Variants in LSM14A observed in about 807,000 individuals in gnomAD.
The protein encoded by LSM14A is LSM14A mRNA processing body assembly factor.
In LSM14A, 14 loss-of-function variants were observed where a neutral mutation model predicts 52.4. The observed-to-expected ratio is 0.27, with a 90% CI of 0.18 to 0.42. The LOEUF (loss-of-function observed/expected upper bound fraction) is 0.42. LSM14A is among the 10% of genes least tolerant of loss of function. The pLI is 1.00. For missense variants in LSM14A, 417 were observed against 581.8 expected, an observed-to-expected ratio of 0.72 and a Z score of 2.91; for synonymous variants, 185 against 200.3, an observed-to-expected ratio of 0.92 and a Z score of 0.64.
chr19:34,211,901 G>A (rs1239878173), intron 4 of LSM14A, among the ~76,000 whole-genome samples: 2 of 152,110 alleles, frequency 1.3e-5, no homozygotes, highest in East Asian at 3.8e-4. Flanking sequence ...TAGTAAAACA[G>A]TTTATCTTTA....
chr19:34,189,170 A>T (rs913295231), intron 1 of LSM14A, among the ~76,000 whole-genome samples: 2 of 152,238 alleles, frequency 1.3e-5, no homozygotes, highest in African/African-American at 4.8e-5. Flanking sequence ...TCCCCAAAAT[A>T]TCCCAGAATC....
At chr19:34,186,692 T>C (rs1390056068) in intron 1 of LSM14A, among the ~76,000 whole-genome samples, 1 of 152,172 alleles carries the variant, frequency 6.6e-6, no homozygotes, top group African/African-American at 2.4e-5. Flanking sequence ...ATAATGAGCT[T>C]TGTTAGAATT....
intron 1 of LSM14A, among the ~76,000 whole-genome samples, chr19:34,181,017 C>T (rs1260804347): frequency 2.6e-5 from 4 of 152,160 alleles, no homozygotes; most frequent in Non-Finnish European, 5.9e-5. Context: ...GAACAGCAAA[C>T]GAAAGATAAT....
At chr19:34,221,894 A>C in intron 9 of LSM14A, 156 bp downstream of exon 9, 4 of 1,380,070 alleles carry the variant, frequency 2.9e-6, no homozygotes, top group Non-Finnish European at 3.8e-6. Flanking sequence ...ATTCAGATGT[A>C]TATATAAAGA....
chr19:34,187,424 G>A lies in LSM14A; in HGVS notation c.122-7054G>A, dbSNP rs188892213. The stretch of plus-strand genomic sequence containing the variant: ...CTCCCAAGTAGCTGGGATTACAGGC[G>A]TGTGCCACCACAACCGGCTAATTTT... On this transcript the variant is annotated intron_variant, in intron 1 of 9. Transcript: ENST00000544216. Among the ~76,000 whole-genome samples, 129 of 152,058 alleles carry A rather than the reference G, an allele frequency of 8.5e-4. 3 individuals carry two copies. The highest frequency in any genetic ancestry group is 2.7e-3 in the East Asian group (14 of 5,126).
At chr19:34,178,605 C>G (rs2069247479) in intron 1 of LSM14A, among the ~76,000 whole-genome samples, 1 of 152,232 alleles carries the variant, frequency 6.6e-6, no homozygotes, top group Non-Finnish European at 1.5e-5. Context: ...CCTTCCCCTT[C>G]ACCTCCAGAC....
At chr19:34,213,343 T>C (rs2072312943) in intron 4 of LSM14A, among the ~76,000 whole-genome samples, 1 of 152,210 alleles carries the variant, frequency 6.6e-6, no homozygotes, top group Non-Finnish European at 1.5e-5. Flanking sequence ...TTTTGATAAA[T>C]GATCATTTAT....
At chr19:34,214,394 T>A (rs1009821237) in intron 4 of LSM14A, among the ~76,000 whole-genome samples, 2 of 151,776 alleles carry the variant, frequency 1.3e-5, no homozygotes, top group Admixed American at 1.3e-4. Flanking sequence ...TCACTGCAGC[T>A]TCTGCCTCCC....
In LSM14A at chr19:34,228,707, C is replaced by T. The variant is rs1170324615; in HGVS notation, c.*1319C>T. On this transcript the variant is annotated 3_prime_UTR_variant, in exon 10 of 10. Coordinates refer to ENST00000544216, the MANE Select transcript of LSM14A (RefSeq NM_015578.4). ...ATGAAGGCCATGGAATAAAAGGATC[C>T]AAAGATTTAAATATTTTTATCTAAT... is the stretch of plus-strand genomic sequence containing the variant. 6.6e-6 allele frequency: 1 copy of T among 152,508 alleles called. No homozygotes were observed. Among genetic ancestry groups the T allele is most frequent in the Non-Finnish European group, 1.5e-5 (1 of 68,016 alleles). The allele number at this position is 152,508 out of a possible 1,614,324, so 9.4% of individuals were successfully genotyped here.
chr19:34,201,087 T>C (rs2071252654), intron 3 of LSM14A, among the ~76,000 whole-genome samples: 1 of 152,238 alleles, frequency 6.6e-6, no homozygotes, highest in Non-Finnish European at 1.5e-5. Flanking sequence ...TATTTTAATC[T>C]AATTTTAATA....
At chr19:34,181,049 A>G (rs2069444600) in intron 1 of LSM14A, among the ~76,000 whole-genome samples, 1 of 152,190 alleles carries the variant, frequency 6.6e-6, no homozygotes, top group Non-Finnish European at 1.5e-5. Flanking sequence ...TACCCCTCAC[A>G]TACCCAGTTA....
At position 34,194,641 on chromosome 19, in the gene LSM14A, G is replaced by GTCCTCACTA. The variant is rs752679049; in HGVS notation, c.285_285+1insTCCTCACTA (p.Ser96_Leu98dup). ...TGCCTCAAGACCCAGCTATTGTTCA[G>GTCCTCACTA]GTAACTGATGGTAAATTTGTCTTGG... is the stretch of plus-strand genomic sequence containing the variant. On this transcript the variant is annotated inframe_insertion and splice_region_variant. Transcript: ENST00000544216. 1 of 1,614,006 alleles carries GTCCTCACTA rather than the reference G, an allele frequency of 6.2e-7. No homozygotes were observed. The highest frequency in any genetic ancestry group is 1.3e-5 in the African/African-American group (1 of 74,930).
chr19:34,178,214 T>C (rs551088580), intron 1 of LSM14A, among the ~76,000 whole-genome samples: 9 of 151,370 alleles, frequency 5.9e-5, no homozygotes, highest in Non-Finnish European at 1.3e-4. Flanking sequence ...CTTTTGAAAA[T>C]GTTTCAGTGT....
At position 34,214,149 on chromosome 19, in the gene LSM14A, G is replaced by A. The variant is rs1032709286; in HGVS notation, c.539-975G>A. ...AAGGCAAGGAATGAGTATGGCTACT[G>A]TGTAATTATCTGAAGGGTTTTTTTT... On this transcript the variant is annotated intron_variant, in intron 4 of 9. Transcript: ENST00000544216. Among the ~76,000 whole-genome samples the A allele has an allele frequency of 6.6e-5, 10 of 152,218 alleles. No individual in the cohort carries two copies. In the East Asian group the frequency reaches 1.9e-3, roughly 29 times the overall value.
rs1409582484 is a variant in LSM14A, at chr19:34,219,748, A to T, written c.1007A>T (p.Asp336Val). The change falls in exon 8 of 10, where the codon GAT (aspartate) becomes GTT (valine). Residue 336 changes from aspartate to valine, a missense_variant. Asp to Val is a radical substitution (Grantham distance 152). Transcript: ENST00000544216. ...CAGGAGAAGCCTGTAAATGGTGAAG[A>T]TAAAGGAGACTCAGGAGTTGATACC... ...EKQEKPVNGEDKGDSGVDTQN... is the reference protein window; with the variant it reads ...EKQEKPVNGEVKGDSGVDTQN... The T allele has an allele frequency of 2.5e-6, 4 of 1,613,806 alleles. No homozygotes were observed. In the South Asian group the frequency reaches 3.3e-5, roughly 13 times the overall value.
At chr19:34,207,282 C>T (rs1256862939) in intron 3 of LSM14A, among the ~76,000 whole-genome samples, 1 of 152,138 alleles carries the variant, frequency 6.6e-6, no homozygotes, top group Non-Finnish European at 1.5e-5. Flanking sequence ...ACAGAGCAGC[C>T]TGGAGATGCA....
At chr19:34,200,521 T>TTGATTTTAC (rs1192776978) in intron 3 of LSM14A, among the ~76,000 whole-genome samples, 5 of 152,156 alleles carry the variant, frequency 3.3e-5, no homozygotes, top group African/African-American at 1.2e-4. Context: ...GATTTTAGCC[T>TTGATTTTAC]CTCTAAACAA....
At chr19:34,207,881 A>C (rs1407071432) in intron 3 of LSM14A, among the ~76,000 whole-genome samples, 2 of 152,156 alleles carry the variant, frequency 1.3e-5, no homozygotes, top group Non-Finnish European at 2.9e-5. Context: ...TTAAATTAGG[A>C]GTCCAAGAAA....
At chr19:34,191,924 T>C (rs1349730587) in intron 1 of LSM14A, among the ~76,000 whole-genome samples, 1 of 152,220 alleles carries the variant, frequency 6.6e-6, no homozygotes, top group Non-Finnish European at 1.5e-5. Context: ...AAGTACTGTT[T>C]GGCCATCAGA....
Sources: allele counts gnomAD v4.1 joint callset (sites outside exome capture counted in the v4.1 genomes callset), GRCh38; gene constraint gnomAD v4.1.1; transcripts MANE v1.5; gene names NCBI Gene and HGNC (gene_info 2026-07-23, HGNC 2026-07-21).